COPB1: variants seen among roughly 807,000 people sequenced by gnomAD.
COPB1 encodes coatomer subunit beta.
A neutral mutation model predicts 108.7 loss-of-function variants in COPB1; 21 were observed. That is an observed-to-expected ratio of 0.19 (90% CI 0.14 to 0.28). The LOEUF is 0.28. Ranked by LOEUF, COPB1 falls within the 10% of genes least tolerant of loss-of-function variation. The probability of loss-of-function intolerance (pLI) is 1.00; values close to 1 mark genes in which losing one functional copy is unlikely to be tolerated. For synonymous variants in COPB1, 378 were observed against 386.8 expected (o/e 0.98, Z 0.27); for missense variants, 919 against 1,141.3 (o/e 0.81, Z 2.81).
chr11:14,475,287 T>G (rs1371451575), intron 13 of COPB1, among the ~76,000 whole-genome samples: 1 of 152,106 alleles, frequency 6.6e-6, no homozygotes, highest in African/African-American at 2.4e-5. Flanking sequence ...AGATAATATA[T>G]TCTATCTCAA....
In COPB1 at chr11:14,458,591, T is replaced by C. The variant is rs146246564; in HGVS notation, c.2743A>G (p.Ile915Val). 938 of 1,613,918 alleles carry C rather than the reference T, an allele frequency of 5.8e-4. 1 individual carries two copies. Among genetic ancestry groups the C allele is most frequent in the Non-Finnish European group, 7.5e-4 (884 of 1,179,898 alleles). The change falls in exon 21 of 22, where the codon ATT becomes GTT. Residue 915 changes from isoleucine to valine, a missense_variant. Physicochemically the swap from Ile to Val is conservative, Grantham distance 29. Around this residue, in one of 5 missense-constraint regions of COPB1, gnomAD observed 705 missense variants for 817.8 expected, o/e 0.86. Transcript: ENST00000439561. ...ACAGCAGCATCTGGTCCCTGGTGAA[T>C]TGGCTTCTCAATGCTGACATTTGCA... Reference protein sequence around the residue: ...ALANVSIEKPIHQGPDAAVTG... With the variant: ...ALANVSIEKPVHQGPDAAVTG...
intron 18 of COPB1, among the ~76,000 whole-genome samples, chr11:14,464,607 T>C (rs1385188120): frequency 1.3e-5 from 2 of 151,244 alleles, no homozygotes; most frequent in African/African-American, 4.9e-5. Flanking sequence ...CTGTTAGCAT[T>C]TTTTTTTTCC....
intron 8 of COPB1, among the ~76,000 whole-genome samples, chr11:14,482,661 A>G (rs1287593333): frequency 1.3e-5 from 2 of 151,976 alleles, no homozygotes; most frequent in Admixed American, 1.3e-4. Flanking sequence ...CAGCCTCCCA[A>G]GTAGTTGGGA....
chr11:14,472,098 T>C (rs1850419279), intron 14 of COPB1, among the ~76,000 whole-genome samples: 1 of 152,120 alleles, frequency 6.6e-6, no homozygotes, highest in Non-Finnish European at 1.5e-5. Context: ...ATGTCAGAAA[T>C]TGCTGTGGTA....
In COPB1 at chr11:14,468,821, C is replaced by A. The variant is rs747607870; in HGVS notation, c.2005G>T (p.Asp669Tyr). The A allele has an allele frequency of 6.2e-7, 1 of 1,613,974 alleles. No homozygotes were observed. Among genetic ancestry groups the A allele is most frequent in the Non-Finnish European group, 8.5e-7 (1 of 1,179,928 alleles). ...EKRNVTVQPD[D>Y]PISFMQLTAK... ...GTTAGTTGCATGAAGGAAATGGGGT[C>A]ATCAGGCTGTACTGTCACATTCCTC... Residue 669 changes from aspartate (D) to tyrosine (Y), a missense_variant, in exon 16 of 22, where the codon GAC becomes TAC. This residue lies in a region of COPB1 where 705 missense variants were observed against 817.8 expected (regional missense o/e 0.86). Coordinates refer to ENST00000439561, the MANE Select transcript of COPB1 (RefSeq NM_001144061.2).
chr11:14,498,229 T>C (rs1851070560), intron 2 of COPB1, among the ~76,000 whole-genome samples: 1 of 152,250 alleles, frequency 6.6e-6, no homozygotes, highest in African/African-American at 2.4e-5. Flanking sequence ...CATTTTTCCA[T>C]GTGATAATTA....
intron 16 of COPB1, 142 bp from the exon 17 acceptor site, chr11:14,466,568 T>C (rs1387066517): frequency 2.6e-6 from 2 of 767,808 alleles, no homozygotes; most frequent in African/African-American, 1.8e-5. Flanking sequence ...AATTGTTTTA[T>C]AATGCAGAAA....
chr11:14,489,602 G>A (rs1336540838), intron 5 of COPB1, among the ~76,000 whole-genome samples: 1 of 152,124 alleles, frequency 6.6e-6, no homozygotes, highest in Non-Finnish European at 1.5e-5. Flanking sequence ...AAGACATTAG[G>A]CTAAGTAAAA....
At chr11:14,459,346 T>C (rs1350377182) in intron 20 of COPB1, among the ~76,000 whole-genome samples, 1 of 152,220 alleles carries the variant, frequency 6.6e-6, no homozygotes, top group Non-Finnish European at 1.5e-5. Context: ...TAAACTAATA[T>C]ATAAATTAAA....
rs1850535005 is a variant in COPB1 at position 14,477,008 on chromosome 11, G to T, written c.1366C>A (p.Arg456=). 1 of 1,599,834 alleles carries T rather than the reference G, an allele frequency of 6.3e-7. No homozygotes were observed. Among genetic ancestry groups the T allele is most frequent in the Non-Finnish European group, 8.6e-7 (1 of 1,167,388 alleles). ...TCTCCCAGGATCCATAATGCTCCTC[G>T]GTAAATCCTAGCACAATACAAGATC... is the stretch of plus-strand genomic sequence containing the variant. ...FHAIKSVKIY[R]GALWILGEYC... Residue 456 remains arginine, a synonymous_variant, in exon 12 of 22, where the codon CGA becomes AGA. Transcript: ENST00000439561.
At chr11:14,465,863 C>T (rs536571562) in intron 17 of COPB1, among the ~76,000 whole-genome samples, 96 of 151,890 alleles carry the variant, frequency 6.3e-4, no homozygotes, top group Non-Finnish European at 1.2e-3. Flanking sequence ...AAAAAAAATG[C>T]ATCTCATATT....
At position 14,457,721 on chromosome 11, in the gene COPB1, G is replaced by C; in HGVS notation, c.*103C>G. On this transcript the variant is annotated 3_prime_UTR_variant, in exon 22 of 22. Coordinates refer to ENST00000439561, the MANE Select transcript of COPB1 (RefSeq NM_001144061.2). ...TTATTGGCTGAAAAGTATTCAGCAT[G>C]AACTCAGATTCTATATAAGCATGAA... The C allele has an allele frequency of 1.3e-6, 1 of 751,970 alleles. No homozygotes were observed. Among genetic ancestry groups the C allele is most frequent in the Non-Finnish European group, 2.3e-6 (1 of 427,036 alleles). The allele number at this position is 751,970 out of a possible 1,614,324, so 46.6% of individuals were successfully genotyped here. A position where few individuals can be genotyped will look rare whatever the true frequency, so the allele number is the denominator to read the frequency against.
At chr11:14,481,203 T>A in intron 8 of COPB1, 106 bp from the exon 9 acceptor site, 1 of 805,218 alleles carries the variant, frequency 1.2e-6, no homozygotes, top group South Asian at 1.7e-5. Context: ...TTTAATTCTT[T>A]AATCAATAAC....
At chr11:14,465,862 G>A (rs2134097322) in intron 17 of COPB1, among the ~76,000 whole-genome samples, 1 of 151,922 alleles carries the variant, frequency 6.6e-6, no homozygotes, top group Non-Finnish European at 1.5e-5. Flanking sequence ...AAAAAAAAAT[G>A]CATCTCATAT....
intron 4 of COPB1, among the ~76,000 whole-genome samples, chr11:14,493,070 C>T (rs1297903275): frequency 2.0e-5 from 3 of 152,092 alleles, no homozygotes; most frequent in African/African-American, 4.8e-5. Flanking sequence ...CACTTGAATC[C>T]GGGAGGTGGA....
chr11:14,498,770 G>T, intron 2 of COPB1, 68 bp downstream of exon 2: 1 of 1,258,938 alleles, frequency 7.9e-7, no homozygotes, highest in South Asian at 1.4e-5. Context: ...AAAGGAATAT[G>T]AAATATGAGT....
At chr11:14,479,775 G>C (rs1198817414) in intron 10 of COPB1, 61 bp from the exon 11 acceptor site, 24 of 1,411,786 alleles carry the variant, frequency 1.7e-5, no homozygotes, top group Non-Finnish European at 2.3e-5. Context: ...AAATTATCTA[G>C]GACAAGAAAT....
At position 14,457,689 on chromosome 11, in the gene COPB1, C is replaced by T; in HGVS notation, c.*135G>A. On this transcript the variant is annotated 3_prime_UTR_variant, in exon 22 of 22. Transcript: ENST00000439561. The stretch of plus-strand genomic sequence containing the variant: ...ACTCAATCTTGATTTAAGGGAAAGG[C>T]TATAAATTATTGGCTGAAAAGTATT... 1 of 688,642 alleles carries T rather than the reference C, an allele frequency of 1.5e-6. No homozygotes were observed. Among genetic ancestry groups the T allele is most frequent in the Non-Finnish European group, 2.6e-6 (1 of 380,658 alleles). The allele number at this position is 688,642 out of a possible 1,614,324, so 42.7% of individuals were successfully genotyped here. A position where few individuals can be genotyped will look rare whatever the true frequency, so the allele number is the denominator to read the frequency against.
At chr11:14,497,230 A>G (rs1241124571) in intron 2 of COPB1, among the ~76,000 whole-genome samples, 2 of 152,158 alleles carry the variant, frequency 1.3e-5, no homozygotes, top group Admixed American at 6.5e-5. Flanking sequence ...AGCAAAGGAA[A>G]CAATCGACAT....
Sources: allele counts gnomAD v4.1 joint callset (sites outside exome capture counted in the v4.1 genomes callset), GRCh38; gene constraint gnomAD v4.1.1; regional missense constraint gnomAD v4.1.1; transcripts MANE v1.5; gene names NCBI Gene and HGNC (gene_info 2026-07-23, HGNC 2026-07-21).